NNT: variants seen among roughly 807,000 people sequenced by gnomAD.
NNT encodes NAD(P) transhydrogenase, mitochondrial.
A neutral mutation model predicts 104.8 loss-of-function variants in NNT; 50 were observed. That is an observed-to-expected ratio of 0.48 (90% confidence interval 0.38 to 0.60). The LOEUF is 0.60. NNT is among the 20% of genes least tolerant of loss of function. The pLI is 0.00. For missense variants in NNT, 1,131 were observed against 1,330.7 expected (o/e 0.85, Z 2.33); for synonymous variants, 461 against 490.4 (o/e 0.94, Z 0.79).
At chr5:43,662,028 T>A (rs1740396172) in intron 17 of NNT, among the ~76,000 whole-genome samples, 1 of 152,172 alleles carries the variant, frequency 6.6e-6, no homozygotes, top group Non-Finnish European at 1.5e-5. Flanking sequence ...AGGATTTGAA[T>A]GTTAACAAAG....
intron 19 of NNT, among the ~76,000 whole-genome samples, chr5:43,697,549 C>T (rs1456074799): frequency 6.6e-6 from 1 of 152,136 alleles, no homozygotes; most frequent in Non-Finnish European, 1.5e-5. Context: ...CACCTTACAC[C>T]CAGTACCAAT....
At chr5:43,640,470 G>A (rs530018896) in intron 7 of NNT, among the ~76,000 whole-genome samples, 3 of 152,130 alleles carry the variant, frequency 2.0e-5, no homozygotes, top group African/African-American at 7.2e-5. Context: ...AATTCTTCTA[G>A]TTCTCCTAGT....
intron 17 of NNT, among the ~76,000 whole-genome samples, chr5:43,665,770 G>A (rs879554378): frequency 2.9e-5 from 4 of 137,130 alleles, no homozygotes; most frequent in South Asian, 2.3e-4. Context: ...GGTGGTGGCC[G>A]GGCAGAGGGG....
chr5:43,677,063 T>TA (rs1269089432), intron 18 of NNT, among the ~76,000 whole-genome samples: 2 of 152,002 alleles, frequency 1.3e-5, no homozygotes, highest in Admixed American at 1.3e-4. Context: ...AAACAGTTTT[T>TA]AGAGTGTGGG....
chr5:43,656,214 G>A, intron 15 of NNT, 141 bp downstream of exon 15: 1 of 707,756 alleles, frequency 1.4e-6, no homozygotes, highest in Non-Finnish European at 2.3e-6. Flanking sequence ...GGCTGAGGTG[G>A]GAGGCTCTCA....
Position 43,659,341 on chromosome 5 carries a change from C to T in NNT, c.2625C>T (p.Ile875=), listed in dbSNP as rs920686825. ...IGSSGAILSY[I]MCVAMNRSLA... ...CGTCTGGTGCTATCCTGTCATACAT[C>T]ATGTGTGTGGTAAGAAACAACACAT... Residue 875 remains isoleucine (I), a synonymous_variant, in exon 17 of 22, where the codon ATC becomes ATT. Transcript: ENST00000344920. 4 of 1,608,960 alleles carry T rather than the reference C, an allele frequency of 2.5e-6. No homozygotes were observed. The highest frequency in any genetic ancestry group is 2.2e-5 in the East Asian group (1 of 44,820).
chr5:43,688,553 C>G (rs1742101529), intron 19 of NNT, among the ~76,000 whole-genome samples: 1 of 151,936 alleles, frequency 6.6e-6, no homozygotes, highest in African/African-American at 2.4e-5. Context: ...CTCTTTTATC[C>G]CTTGCCACCC....
intron 19 of NNT, among the ~76,000 whole-genome samples, chr5:43,690,973 G>A (rs921212425): frequency 6.6e-6 from 1 of 151,964 alleles, no homozygotes; most frequent in Admixed American, 6.6e-5. Context: ...CTTCTCTTCT[G>A]TGCAAATAAG....
intron 17 of NNT, among the ~76,000 whole-genome samples, chr5:43,664,610 G>A (rs1740531819): frequency 6.6e-6 from 1 of 151,930 alleles, no homozygotes. Context: ...TTTAATTATT[G>A]GCTTAATAGC....
intron 20 of NNT, 35 bp from the exon 21 acceptor site, chr5:43,702,586 G>A (rs1046595498): frequency 7.4e-7 from 1 of 1,354,826 alleles, no homozygotes; most frequent in Non-Finnish European, 1.0e-6. Flanking sequence ...GACCATTTGA[G>A]TTTTATATTC....
At chr5:43,695,891 A>G (rs1233351920) in intron 19 of NNT, among the ~76,000 whole-genome samples, 3 of 152,168 alleles carry the variant, frequency 2.0e-5, no homozygotes, top group Non-Finnish European at 4.4e-5. Context: ...TTATGAGAAC[A>G]GCACAGAAAA....
At chr5:43,659,880 C>G (rs1397134029) in intron 17 of NNT, among the ~76,000 whole-genome samples, 1 of 152,168 alleles carries the variant, frequency 6.6e-6, no homozygotes, top group African/African-American at 2.4e-5. Context: ...TCTAGTGCCT[C>G]TCTCCATCTG....
At chr5:43,692,386 C>T (rs772573323) in intron 19 of NNT, among the ~76,000 whole-genome samples, 90 of 152,170 alleles carry the variant, frequency 5.9e-4, no homozygotes, top group Admixed American at 9.8e-4. Flanking sequence ...TGCAGTGGCG[C>T]GATCCCAGCT....
At chr5:43,660,644 T>A (rs557413468) in intron 17 of NNT, among the ~76,000 whole-genome samples, 2 of 152,182 alleles carry the variant, frequency 1.3e-5, no homozygotes, top group Non-Finnish European at 2.9e-5. Flanking sequence ...ACAGGAAGCA[T>A]GACTGTGAGG....
In NNT at chr5:43,653,002, C is replaced by G; in HGVS notation, c.1864-16C>G. 6.3e-7 allele frequency: 1 copy of G among 1,591,636 alleles called. No homozygotes were observed. Among genetic ancestry groups the G allele is most frequent in the Non-Finnish European group, 8.6e-7 (1 of 1,165,312 alleles). ...AAAGGTTTTAATAATCTCTCTCTCA[C>G]TTTTCCTTTGAAAAGATCATGTACC... On this transcript the variant is annotated splice_polypyrimidine_tract_variant and intron_variant, in intron 13 of 21. Coordinates refer to ENST00000344920, the MANE Select transcript of NNT (RefSeq NM_182977.3).
At chr5:43,612,867 T>C (rs1749570038) in intron 2 of NNT, 41 bp from the exon 3 acceptor site, 2 of 1,399,408 alleles carry the variant, frequency 1.4e-6, no homozygotes, top group East Asian at 2.3e-5. Flanking sequence ...TGTTTGTTTT[T>C]TTACCAAATA....
intron 14 of NNT, 62 bp downstream of exon 14, chr5:43,653,275 G>T: frequency 7.2e-7 from 1 of 1,396,906 alleles, no homozygotes. Flanking sequence ...TATTTCTAAG[G>T]TCCATATTGA....
chr5:43,666,688 G>A, intron 17 of NNT: 2 of 798,532 alleles, frequency 2.5e-6, no homozygotes, highest in South Asian at 1.8e-5. Context: ...GAGGACCCCA[G>A]CCCCATGCAG....
intron 7 of NNT, among the ~76,000 whole-genome samples, chr5:43,641,759 A>C (rs1751253464): frequency 6.6e-6 from 1 of 152,194 alleles, no homozygotes; most frequent in African/African-American, 2.4e-5. Flanking sequence ...AAATAAGTTA[A>C]CCTATGTGAA....
Sources: allele counts gnomAD v4.1 joint callset (sites outside exome capture counted in the v4.1 genomes callset), GRCh38; gene constraint gnomAD v4.1.1; transcripts MANE v1.5; gene names NCBI Gene and HGNC (gene_info 2026-07-23, HGNC 2026-07-21).